The following ROBO1 variants were observed in gnomAD, a reference collection of about 807,000 sequenced individuals.
ROBO1 encodes roundabout homolog 1.
Under a neutral mutation model 195.9 loss-of-function variants are expected in ROBO1, and 149 were observed. The observed-to-expected ratio is 0.76, with a 90% CI of 0.67 to 0.87. The LOEUF is 0.87. Among genes scored for constraint, ROBO1 ranks in the 40% least tolerant of loss-of-function variants. The pLI, the probability that ROBO1 is intolerant of heterozygous loss-of-function variation, is 0.00. For synonymous variants in ROBO1, 816 were observed against 733.2 expected, an observed-to-expected ratio of 1.11 and a Z score of -1.82; for missense variants, 1,933 against 2,068.3, an observed-to-expected ratio of 0.93 and a Z score of 1.27.
At chr3:79,433,518 C>T (rs2038762041) in intron 2 of ROBO1, among the ~76,000 whole-genome samples, 1 of 152,008 alleles carries the variant, frequency 6.6e-6, no homozygotes, top group Non-Finnish European at 1.5e-5. Context: ...TCTGCCTCAG[C>T]CTAAAGAGTA....
intron 7 of ROBO1, 127 bp from the exon 8 acceptor site, chr3:78,714,651 A>G (rs2108053487): frequency 2.5e-6 from 2 of 812,490 alleles, no homozygotes; most frequent in Non-Finnish European, 3.6e-6. Flanking sequence ...AGAGTAAAAC[A>G]TGGTATTCCT....
At chr3:79,718,825 T>C (rs1035327928) in intron 1 of ROBO1, among the ~76,000 whole-genome samples, 10 of 152,006 alleles carry the variant, frequency 6.6e-5, no homozygotes, top group Non-Finnish European at 1.2e-4. Context: ...ACTAATGACA[T>C]TATATATTTA....
intron 1 of ROBO1, among the ~76,000 whole-genome samples, chr3:79,724,796 C>T (rs966673775): frequency 6.6e-6 from 1 of 152,136 alleles, no homozygotes; most frequent in African/African-American, 2.4e-5. Flanking sequence ...GTGTTTTAAG[C>T]CACAAAGTTT....
intron 2 of ROBO1, among the ~76,000 whole-genome samples, chr3:79,414,187 C>T (rs548029536): frequency 6.6e-5 from 10 of 151,646 alleles, no homozygotes; most frequent in African/African-American, 2.4e-4. Flanking sequence ...AACAGTCTCT[C>T]TCTCTCTCTC....
At chr3:78,873,143 A>C (rs2035643376) in intron 4 of ROBO1, among the ~76,000 whole-genome samples, 2 of 152,114 alleles carry the variant, frequency 1.3e-5, no homozygotes, top group Admixed American at 1.3e-4. Flanking sequence ...TCTTGGGGGA[A>C]TATTGAAAAC....
intron 4 of ROBO1, among the ~76,000 whole-genome samples, chr3:78,879,093 T>C (rs1421848163): frequency 6.6e-6 from 1 of 152,204 alleles, no homozygotes; most frequent in African/African-American, 2.4e-5. Context: ...ACTATACTTC[T>C]GCCTAAAACA....
intron 1 of ROBO1, among the ~76,000 whole-genome samples, chr3:79,625,509 TA>T (rs1945148736): frequency 7.5e-6 from 1 of 132,994 alleles, no homozygotes; most frequent in Non-Finnish European, 1.6e-5. Context: ...GCACACAATT[TA>T]AAAAGACAAA....
In ROBO1 at chr3:78,825,625, T is replaced by G. The variant is rs192150072; in HGVS notation, c.500-78725A>C. The stretch of plus-strand genomic sequence containing the variant: ...ATTATGAAGAGAAAGACTGGGTACA[T>G]GCACCCATAGTAGGTGTCACTCTTG... On this transcript the variant is annotated intron_variant, in intron 4 of 30. Coordinates refer to ENST00000464233, the MANE Select transcript of ROBO1 (RefSeq NM_002941.4). 1.1e-4 allele frequency among the ~76,000 whole-genome samples: 16 copies of G among 152,284 alleles called. No individual in the cohort carries two copies. In the East Asian group the frequency reaches 3.1e-3, roughly 29 times the overall value.
chr3:79,353,199 T>G (rs1225879991), intron 2 of ROBO1, among the ~76,000 whole-genome samples: 2 of 152,134 alleles, frequency 1.3e-5, no homozygotes, highest in African/African-American at 4.8e-5. Context: ...AAATGTTTAG[T>G]TAGTGACTAT....
intron 1 of ROBO1, among the ~76,000 whole-genome samples, chr3:79,682,111 C>A (rs1365135988): frequency 6.6e-6 from 1 of 151,972 alleles, no homozygotes; most frequent in African/African-American, 2.4e-5. Context: ...CCAATAAATA[C>A]AAAAATTAAT....
At chr3:78,918,444 T>TG (rs138492872) in intron 4 of ROBO1, among the ~76,000 whole-genome samples, 1,587 of 152,234 alleles carry the variant, frequency 0.01, 29 homozygotes, top group African/African-American at 0.036. Flanking sequence ...TAACATGGTA[T>TG]GGTAACTTTT....
chr3:78,751,053 T>A (rs190878018), intron 4 of ROBO1, among the ~76,000 whole-genome samples: 3 of 152,222 alleles, frequency 2.0e-5, no homozygotes, highest in African/African-American at 7.2e-5. Context: ...GCTTGACTTA[T>A]GGCGATTGTG....
Position 79,660,879 on chromosome 3 carries a change from G to A in ROBO1, c.-50-70918C>T, listed in dbSNP as rs554567719. On this transcript the variant is annotated intron_variant, in intron 1 of 30. Transcript: ENST00000464233. ...GTTACCAAGACCAGTTAAGGTCCTG[G>A]CTAAATATGAAGGAAACTTAAAACT... 2.6e-5 allele frequency among the ~76,000 whole-genome samples: 4 copies of A among 152,168 alleles called. No homozygotes were observed. In the South Asian group the frequency reaches 8.3e-4, roughly 32 times the overall value.
chr3:79,573,710 T>C (rs1943354258), intron 2 of ROBO1, among the ~76,000 whole-genome samples: 1 of 152,150 alleles, frequency 6.6e-6, no homozygotes, highest in African/African-American at 2.4e-5. Context: ...TTTAAACCAG[T>C]TCATTTTTTA....
intron 2 of ROBO1, among the ~76,000 whole-genome samples, chr3:79,504,733 G>T (rs977689704): frequency 6.6e-6 from 1 of 152,036 alleles, no homozygotes; most frequent in Non-Finnish European, 1.5e-5. Context: ...TCCCCAATTT[G>T]TTTGATTTTT....
At chr3:79,161,213 C>T (rs1221832055) in intron 2 of ROBO1, among the ~76,000 whole-genome samples, 1 of 152,012 alleles carries the variant, frequency 6.6e-6, no homozygotes, top group Non-Finnish European at 1.5e-5. Flanking sequence ...AGGCTGCCTG[C>T]CAAGTCAAGC....
chr3:79,285,735 A>G (rs915500253), intron 2 of ROBO1, among the ~76,000 whole-genome samples: 1 of 152,236 alleles, frequency 6.6e-6, no homozygotes, highest in Admixed American at 6.5e-5. Context: ...GTGTCTCTCA[A>G]TAACTCTACA....
intron 2 of ROBO1, among the ~76,000 whole-genome samples, chr3:79,304,207 C>T (rs967744536): frequency 3.3e-5 from 5 of 151,958 alleles, no homozygotes; most frequent in African/African-American, 7.3e-5. Flanking sequence ...TCTATCCATA[C>T]GGTGGAGTAT....
intron 2 of ROBO1, among the ~76,000 whole-genome samples, chr3:79,462,326 T>C (rs982360101): frequency 1.3e-5 from 2 of 152,212 alleles, no homozygotes; most frequent in African/African-American, 2.4e-5. Flanking sequence ...GTGCAAGTTA[T>C]ATGAACTACG....
Sources: gnomAD v4.1 joint callset for allele counts (sites outside exome capture counted in the v4.1 genomes callset) on GRCh38, gnomAD v4.1.1 for gene constraint, MANE v1.5 for transcripts, NCBI Gene and HGNC (gene_info 2026-07-23, HGNC 2026-07-21) for gene names.